DAAM1: variants seen among roughly 807,000 people sequenced by gnomAD.
DAAM1 encodes the protein dishevelled associated activator of morphogenesis 1, also known as disheveled-associated activator of morphogenesis 1.
A neutral mutation model predicts 130.0 loss-of-function variants in DAAM1; 52 were observed. That is an observed-to-expected ratio of 0.40 (90% CI 0.32 to 0.50). The LOEUF is 0.50. Among genes scored for constraint, DAAM1 ranks in the 20% least tolerant of loss-of-function variants. The probability of loss-of-function intolerance (pLI) is 0.61; values close to 1 mark genes in which losing one functional copy is unlikely to be tolerated. For synonymous variants in DAAM1, 452 were observed against 444.5 expected, an observed-to-expected ratio of 1.02 and a Z score of -0.21; for missense variants, 1,134 against 1,303.8, an observed-to-expected ratio of 0.87 and a Z score of 2.01.
chr14:59,304,138 A>C (rs1350690016), intron 3 of DAAM1, among the ~76,000 whole-genome samples: 1 of 152,112 alleles, frequency 6.6e-6, no homozygotes, highest in Non-Finnish European at 1.5e-5. Context: ...AGACTGCCCC[A>C]AGGCTGCCTG....
At chr14:59,297,105 A>G (rs201008883) in intron 3 of DAAM1, among the ~76,000 whole-genome samples, 1 of 152,134 alleles carries the variant, frequency 6.6e-6, no homozygotes, top group South Asian at 2.1e-4. Context: ...AGTAAAAACC[A>G]CCCTGCCAAT....
intron 15 of DAAM1, among the ~76,000 whole-genome samples, chr14:59,337,868 T>G (rs1885688197): frequency 7.6e-6 from 1 of 131,974 alleles, no homozygotes; most frequent in African/African-American, 2.5e-5. Context: ...GTTCAACCTG[T>G]CTTTTCTCAA....
intron 1 of DAAM1, among the ~76,000 whole-genome samples, chr14:59,242,478 A>G (rs185771388): frequency 6.6e-6 from 1 of 152,356 alleles, no homozygotes; most frequent in African/African-American, 2.4e-5. Context: ...CTCTTATAGA[A>G]GAGCTTACTA....
chr14:59,204,042 C>T (rs1316878186), intron 1 of DAAM1, among the ~76,000 whole-genome samples: 2 of 152,178 alleles, frequency 1.3e-5, no homozygotes, highest in African/African-American at 4.8e-5. Context: ...GGATCATAAA[C>T]CCATGTGCAA....
intron 1 of DAAM1, among the ~76,000 whole-genome samples, chr14:59,219,033 A>G (rs1256151551): frequency 6.6e-6 from 1 of 152,224 alleles, no homozygotes; most frequent in African/African-American, 2.4e-5. Flanking sequence ...GTTATTGGAA[A>G]GACCCTTTCT....
At chr14:59,325,224 T>C (rs1029944249) in intron 8 of DAAM1, among the ~76,000 whole-genome samples, 1 of 152,168 alleles carries the variant, frequency 6.6e-6, no homozygotes, top group Non-Finnish European at 1.5e-5. Flanking sequence ...CTTCATAAAA[T>C]GTATCCTGGG....
At chr14:59,355,394 A>G (rs1318467284) in intron 20 of DAAM1, 61 bp downstream of exon 20, 2 of 1,595,398 alleles carry the variant, frequency 1.3e-6, no homozygotes, top group Non-Finnish European at 8.5e-7. Context: ...GCTCAGATTT[A>G]TGCCTCTCTG....
intron 1 of DAAM1, among the ~76,000 whole-genome samples, chr14:59,202,871 T>G (rs1888150263): frequency 6.6e-6 from 1 of 152,250 alleles, no homozygotes; most frequent in Non-Finnish European, 1.5e-5. Context: ...TACCTCCTGT[T>G]CTTTTCTTTC....
intron 15 of DAAM1, among the ~76,000 whole-genome samples, chr14:59,337,153 G>GA (rs1173863988): frequency 6.6e-6 from 1 of 151,770 alleles, no homozygotes; most frequent in Non-Finnish European, 1.5e-5. Flanking sequence ...CTCTTTAAGA[G>GA]AAAAAAAATA....
At chr14:59,364,877 C>A (rs1886854187) in intron 23 of DAAM1, among the ~76,000 whole-genome samples, 1 of 149,990 alleles carries the variant, frequency 6.7e-6, no homozygotes, top group African/African-American at 2.4e-5. Flanking sequence ...CAGTGGAAAT[C>A]AGTCAACTCA....
chr14:59,252,997 G>T (rs1207362178), intron 1 of DAAM1, among the ~76,000 whole-genome samples: 2 of 152,274 alleles, frequency 1.3e-5, no homozygotes, highest in East Asian at 3.9e-4. Context: ...ACACCAAAGT[G>T]TTGTGCTCTA....
intron 1 of DAAM1, among the ~76,000 whole-genome samples, chr14:59,207,477 T>C (rs1888295112): frequency 6.6e-6 from 1 of 152,212 alleles, no homozygotes; most frequent in South Asian, 2.1e-4. Context: ...ATTTATCATG[T>C]TAGAAATTAG....
chr14:59,347,305 A>G (rs1385914399), intron 16 of DAAM1, among the ~76,000 whole-genome samples: 1 of 122,712 alleles, frequency 8.1e-6, no homozygotes. Flanking sequence ...AAACTAAATC[A>G]TAGAACATAG....
chr14:59,243,144 C>T (rs1035521417), intron 1 of DAAM1, among the ~76,000 whole-genome samples: 8 of 152,208 alleles, frequency 5.3e-5, no homozygotes, highest in Non-Finnish European at 1.0e-4. Flanking sequence ...TTAGTGTCAT[C>T]GGTGGATTCC....
intron 21 of DAAM1, among the ~76,000 whole-genome samples, chr14:59,360,440 C>A (rs2139682655): frequency 6.6e-6 from 1 of 152,310 alleles, no homozygotes; most frequent in African/African-American, 2.4e-5. Flanking sequence ...AACTTGTTTT[C>A]TTTCTGTTTT....
intron 1 of DAAM1, among the ~76,000 whole-genome samples, chr14:59,193,384 G>T (rs187890580): frequency 2.0e-5 from 3 of 152,146 alleles, no homozygotes; most frequent in Non-Finnish European, 4.4e-5. Context: ...AGGGACAGAC[G>T]AACATGAGAT....
intron 5 of DAAM1, among the ~76,000 whole-genome samples, chr14:59,322,126 C>G (rs1254854971): frequency 1.3e-5 from 2 of 152,122 alleles, no homozygotes; most frequent in African/African-American, 4.8e-5. Flanking sequence ...ATTTGTTCAA[C>G]AAGCAAATAT....
intron 1 of DAAM1, among the ~76,000 whole-genome samples, chr14:59,249,045 C>T (rs189649324): frequency 7.2e-5 from 11 of 152,166 alleles, no homozygotes; most frequent in African/African-American, 2.2e-4. Context: ...CCTCGGCCTC[C>T]GAAAGTGCTG....
rs1887135245 is a variant in DAAM1 at position 59,370,736 on chromosome 14, C to CAGAT, written c.*1881_*1884dup. 1 of 152,112 alleles carries CAGAT rather than the reference C, an allele frequency of 6.6e-6. No homozygotes were observed. The highest frequency in any genetic ancestry group is 2.4e-5 in the African/African-American group (1 of 41,420). The allele number at this position is 152,112 out of a possible 1,614,324, so 9.4% of individuals were successfully genotyped here. On this transcript the variant is annotated 3_prime_UTR_variant, in exon 25 of 25. Transcript: ENST00000360909. ...CTGCAATAACACCATGTTAAAGGTGCAGATAGAGACTTGGCTCAAAAAGGC... is the reference window on the plus strand; with the variant it reads ...CTGCAATAACACCATGTTAAAGGTGCAGATAGATAGAGACTTGGCTCAAAAAGGC...
Sources: allele counts gnomAD v4.1 joint callset (sites outside exome capture counted in the v4.1 genomes callset), GRCh38; gene constraint gnomAD v4.1.1; transcripts MANE v1.5; gene names NCBI Gene and HGNC (gene_info 2026-07-23, HGNC 2026-07-21).